WWOX: variants seen among roughly 807,000 people sequenced by gnomAD.
The protein encoded by WWOX is WW domain-containing oxidoreductase.
WWOX carries 69 observed loss-of-function variants against 46.2 expected under a neutral mutation model. That is an observed-to-expected ratio of 1.49 (90% CI 1.23 to 1.82). The LOEUF (loss-of-function observed/expected upper bound fraction) is 1.82, where lower values mean the gene tolerates loss of function less well. Ranked by LOEUF, WWOX falls within the 40% of genes most tolerant of loss-of-function variation. The pLI, the probability that WWOX is intolerant of heterozygous loss-of-function variation, is 0.00. For missense variants in WWOX, 919 were observed against 542.6 expected (o/e 1.69, Z -6.89); for synonymous variants, 359 against 202.6 (o/e 1.77, Z -6.56).
intron 8 of WWOX, among the ~76,000 whole-genome samples, chr16:78,730,847 G>A (rs2048953853): frequency 6.6e-6 from 1 of 151,990 alleles, no homozygotes; most frequent in South Asian, 2.1e-4. Context: ...ATTTCCATTA[G>A]GGAACCACCA....
intron 8 of WWOX, among the ~76,000 whole-genome samples, chr16:78,452,533 G>A (rs12051134): frequency 0.072 from 10,353 of 143,628 alleles, 437 homozygotes; most frequent in East Asian, 0.2. Context: ...CTGGAGTGCA[G>A]TGGCGGATCT....
intron 6 of WWOX, among the ~76,000 whole-genome samples, chr16:78,422,342 C>G (rs181473719): frequency 6.7e-6 from 1 of 150,318 alleles, no homozygotes; most frequent in African/African-American, 2.5e-5. Context: ...TCTTAGGCTG[C>G]GATGTGAAAA....
At chr16:78,427,399 C>G (rs1016313508) in intron 7 of WWOX, among the ~76,000 whole-genome samples, 1 of 152,112 alleles carries the variant, frequency 6.6e-6, no homozygotes, top group Non-Finnish European at 1.5e-5. Context: ...GACTTCTTTG[C>G]TGTGAAAAAA....
intron 5 of WWOX, among the ~76,000 whole-genome samples, chr16:78,194,261 A>G (rs999881957): frequency 3.9e-5 from 6 of 151,998 alleles, no homozygotes; most frequent in Admixed American, 2.6e-4. Flanking sequence ...ACTGCTTGGT[A>G]GGTGATAGGT....
At chr16:78,222,095 T>C (rs1183914780) in intron 5 of WWOX, among the ~76,000 whole-genome samples, 1 of 152,142 alleles carries the variant, frequency 6.6e-6, no homozygotes, top group East Asian at 1.9e-4. Flanking sequence ...CACTGGTATA[T>C]GGAGGATGTT....
chr16:79,125,573 G>A (rs537602844), intron 8 of WWOX, among the ~76,000 whole-genome samples: 6 of 151,680 alleles, frequency 4.0e-5, no homozygotes, highest in East Asian at 2.0e-4. Flanking sequence ...GAATCCATCC[G>A]TGTGGCAAAT....
At chr16:79,083,742 T>C (rs1203424824) in intron 8 of WWOX, among the ~76,000 whole-genome samples, 1 of 152,196 alleles carries the variant, frequency 6.6e-6, no homozygotes, top group African/African-American at 2.4e-5. Context: ...AAGTTTTCAC[T>C]AAGGCACAAA....
intron 6 of WWOX, among the ~76,000 whole-genome samples, chr16:78,390,488 AG>A (rs767023775): frequency 6.6e-5 from 10 of 152,244 alleles, no homozygotes; most frequent in Non-Finnish European, 1.3e-4. Flanking sequence ...TTTTCCATAT[AG>A]AGACCTCTGT....
At chr16:78,565,909 G>A (rs942555822) in intron 8 of WWOX, among the ~76,000 whole-genome samples, 5 of 115,282 alleles carry the variant, frequency 4.3e-5, no homozygotes, top group South Asian at 2.6e-4. Flanking sequence ...CCCGCCCCCC[G>A]CCCCCAACAT....
At chr16:78,627,892 G>A (rs1597368645) in intron 8 of WWOX, among the ~76,000 whole-genome samples, 1 of 152,318 alleles carries the variant, frequency 6.6e-6, no homozygotes, top group African/African-American at 2.4e-5. Context: ...AGAATCCCGT[G>A]GATTTGGCGT....
chr16:78,643,066 C>G (rs2046757939), intron 8 of WWOX, among the ~76,000 whole-genome samples: 1 of 152,092 alleles, frequency 6.6e-6, no homozygotes, highest in African/African-American at 2.4e-5. Flanking sequence ...CTGTTAACCC[C>G]AACTAGATAA....
rs574190761 is a variant in WWOX, at chr16:78,211,845, C to A, written c.516+47556C>A. ...GGAAGGTTGCACCAGTGGGAGGGAC[C>A]AGAATATGGTGTGGAAAGAACGAGG... On this transcript the variant is annotated intron_variant, in intron 5 of 8. Transcript: ENST00000566780. Among the ~76,000 whole-genome samples, 3 of 152,234 alleles carry A rather than the reference C, an allele frequency of 2.0e-5. No homozygotes were observed. In the East Asian group the frequency reaches 5.8e-4, roughly 29 times the overall value.
chr16:79,054,066 C>T lies in WWOX; in HGVS notation c.1057-157542C>T, dbSNP rs72795627. Among the ~76,000 whole-genome samples, 1,256 of 151,964 alleles carry T rather than the reference C, an allele frequency of 8.3e-3. 7 individuals carry two copies. Among genetic ancestry groups the T allele is most frequent in the South Asian group, 0.014 (67 of 4,820 alleles). ...TACCTCATTATAATTGATACCTGCT[C>T]TCTGAGCCAATAAAAGAAGCTATAT... On this transcript the variant is annotated intron_variant, in intron 8 of 8. Coordinates refer to ENST00000566780, the MANE Select transcript of WWOX (RefSeq NM_016373.4).
chr16:78,467,825 A>C (rs2084116784), intron 8 of WWOX, among the ~76,000 whole-genome samples: 1 of 152,224 alleles, frequency 6.6e-6, no homozygotes, highest in Non-Finnish European at 1.5e-5. Flanking sequence ...TACTTCATAC[A>C]AAGCTATGAA....
chr16:79,135,820 G>C (rs2049971707), intron 8 of WWOX, among the ~76,000 whole-genome samples: 2 of 151,870 alleles, frequency 1.3e-5, no homozygotes, highest in South Asian at 4.2e-4. Flanking sequence ...AGTGATGTTG[G>C]GTAGATTTTT....
chr16:78,104,354 C>T (rs569377964), intron 1 of WWOX, among the ~76,000 whole-genome samples: 16 of 135,164 alleles, frequency 1.2e-4, no homozygotes, highest in African/African-American at 4.1e-4. Context: ...CACGCATGCA[C>T]GCACATACAC....
chr16:78,872,616 C>T (rs781645826), intron 8 of WWOX: 9 of 152,152 alleles, frequency 5.9e-5, no homozygotes, highest in Admixed American at 2.6e-4. Context: ...TCAGTAAATG[C>T]TCACTGTCTT....
At chr16:78,886,425 A>C (rs914939911) in intron 8 of WWOX, among the ~76,000 whole-genome samples, 1 of 151,950 alleles carries the variant, frequency 6.6e-6, no homozygotes, top group East Asian at 1.9e-4. Context: ...TCACAAAAGA[A>C]CATTTCCTCT....
intron 8 of WWOX, among the ~76,000 whole-genome samples, chr16:79,069,519 C>T (rs1597345034): frequency 6.7e-6 from 1 of 149,908 alleles, no homozygotes; most frequent in African/African-American, 2.5e-5. Context: ...AACCTATTGG[C>T]AGGAAAAGGG....
Sources: gnomAD v4.1 joint callset for allele counts (sites outside exome capture counted in the v4.1 genomes callset) on GRCh38, gnomAD v4.1.1 for gene constraint, MANE v1.5 for transcripts, NCBI Gene and HGNC (gene_info 2026-07-23, HGNC 2026-07-21) for gene names.